Variants in RGS6 observed in about 807,000 individuals in gnomAD.
The protein encoded by RGS6 is regulator of G protein signaling 6.
RGS6 carries 30 observed loss-of-function variants against 78.5 expected under a neutral mutation model. The ratio of observed to expected loss-of-function variants is 0.38; its 90% confidence interval spans 0.29 to 0.52. The LOEUF (loss-of-function observed/expected upper bound fraction) is 0.52. Ranked by LOEUF, RGS6 falls within the 20% of genes least tolerant of loss-of-function variation. The pLI is 0.85. For synonymous variants in RGS6, 206 were observed against 206.0 expected, an observed-to-expected ratio of 1.00 and a Z score of 0.00; for missense variants, 495 against 609.7, an observed-to-expected ratio of 0.81 and a Z score of 1.98.
chr14:72,371,428 C>T (rs1405719095), intron 3 of RGS6, among the ~76,000 whole-genome samples: 1 of 152,060 alleles, frequency 6.6e-6, no homozygotes, highest in Non-Finnish European at 1.5e-5. Context: ...CCATACAAAC[C>T]CCTAATTGTA....
rs577618440 is a variant in RGS6 at position 72,092,437 on chromosome 14, A to G, written c.84+127562A>G. 1.8e-4 allele frequency among the ~76,000 whole-genome samples: 27 copies of G among 149,332 alleles called. No individual in the cohort carries two copies. The South Asian group carries it at 5.8e-3, about 32-fold the overall frequency. ...CGCTCTGTCATCCAGGCTGGAGTGCAATGGCACAATCTCAGCTCACTGCAA... is the reference window on the plus strand; with the variant it reads ...CGCTCTGTCATCCAGGCTGGAGTGCGATGGCACAATCTCAGCTCACTGCAA... On this transcript the variant is annotated intron_variant, in intron 2 of 17. Coordinates refer to ENST00000553525, the MANE Select transcript of RGS6 (RefSeq NM_001204424.2).
At chr14:72,255,082 A>T (rs951511058) in intron 2 of RGS6, among the ~76,000 whole-genome samples, 1 of 152,164 alleles carries the variant, frequency 6.6e-6, no homozygotes, top group Admixed American at 6.5e-5. Flanking sequence ...GCACAGAGTG[A>T]GGCATGAGGC....
At chr14:71,921,503 C>A in the RGS6 span, among the ~76,000 whole-genome samples, 1 of 152,168 alleles carries the variant, frequency 6.6e-6, no homozygotes, top group Non-Finnish European at 1.5e-5. Context: ...AAGAAATATA[C>A]AATGGAATAT....
At chr14:72,576,117 C>G in the RGS6 span, among the ~76,000 whole-genome samples, 1 of 152,238 alleles carries the variant, frequency 6.6e-6, no homozygotes, top group South Asian at 2.1e-4. Context: ...ATTCGCATCT[C>G]CTTGAATACA....
chr14:72,066,734 ATACTGAATAATTATTACAC>A (rs1412906465), intron 2 of RGS6, among the ~76,000 whole-genome samples: 1 of 151,940 alleles, frequency 6.6e-6, no homozygotes, highest in Non-Finnish European at 1.5e-5. Flanking sequence ...ACAGTTTCCG[ATACTGAATAATTATTACAC>A]TACTGAATAA....
intron 10 of RGS6, 35 bp from the exon 11 acceptor site, chr14:72,476,707 G>T: frequency 6.3e-7 from 1 of 1,592,784 alleles, no homozygotes; most frequent in Non-Finnish European, 8.6e-7. Context: ...CAATTCTGTG[G>T]GTGGATGATC....
At chr14:71,878,788 G>A in the RGS6 span, among the ~76,000 whole-genome samples, 1 of 152,222 alleles carries the variant, frequency 6.6e-6, no homozygotes, top group Admixed American at 6.5e-5. Context: ...GCTGGGAGCT[G>A]TAGACTGGAG....
At chr14:72,117,173 G>T (rs1410938581) in intron 2 of RGS6, among the ~76,000 whole-genome samples, 1 of 152,204 alleles carries the variant, frequency 6.6e-6, no homozygotes, top group South Asian at 2.1e-4. Context: ...TGTTGAAATA[G>T]CAAAAAGGCT....
At chr14:72,515,273 C>T (rs1020680767) in intron 14 of RGS6, among the ~76,000 whole-genome samples, 6 of 151,726 alleles carry the variant, frequency 4.0e-5, no homozygotes, top group African/African-American at 9.7e-5. Flanking sequence ...TCCCCTTCCT[C>T]TTCCTCCAGC....
chr14:72,516,394 G>A (rs968035467), intron 14 of RGS6, among the ~76,000 whole-genome samples: 1 of 152,206 alleles, frequency 6.6e-6, no homozygotes, highest in Non-Finnish European at 1.5e-5. Flanking sequence ...CAATGAGGTA[G>A]GGGAACAGCT....
intron 2 of RGS6, among the ~76,000 whole-genome samples, chr14:72,153,041 C>A (rs1339941798): frequency 1.3e-5 from 2 of 152,110 alleles, no homozygotes. Context: ...CTTCCCAAGA[C>A]CCCTCCCCCA....
intron 17 of RGS6, among the ~76,000 whole-genome samples, chr14:72,541,964 C>G (rs1320599087): frequency 6.6e-6 from 1 of 152,136 alleles, no homozygotes; most frequent in Non-Finnish European, 1.5e-5. Flanking sequence ...GTTAGCAAAG[C>G]ATTTGGAACA....
In RGS6 at chr14:72,548,912, G is replaced by A. The variant is rs557750329; in HGVS notation, c.1422+8818G>A. Among the ~76,000 whole-genome samples the A allele has an allele frequency of 3.9e-5, 6 of 152,312 alleles. No homozygotes were observed. In the East Asian group the frequency reaches 5.8e-4, roughly 15 times the overall value. On this transcript the variant is annotated intron_variant, in intron 17 of 17. Transcript: ENST00000553525. The stretch of plus-strand genomic sequence containing the variant: ...AGGGCAACGAGCTCCATGTCTAGCC[G>A]TTTAGAAGCTGAATGGCCAAGGATA...
chr14:72,398,679 G>A (rs1240526074), intron 3 of RGS6, among the ~76,000 whole-genome samples: 1 of 152,094 alleles, frequency 6.6e-6, no homozygotes, highest in African/African-American at 2.4e-5. Flanking sequence ...GCTTTCTCTT[G>A]TGGGCATTTA....
intron 2 of RGS6, among the ~76,000 whole-genome samples, chr14:72,104,980 C>A (rs983263819): frequency 2.0e-5 from 3 of 152,160 alleles, no homozygotes. Flanking sequence ...AAGAATCAGT[C>A]GAAAACATGT....
intron 2 of RGS6, among the ~76,000 whole-genome samples, chr14:71,996,634 T>C (rs947857751): frequency 6.6e-6 from 1 of 152,178 alleles, no homozygotes; most frequent in Non-Finnish European, 1.5e-5. Flanking sequence ...TGTGACTGTC[T>C]TTTTATTGCT....
At chr14:72,286,712 A>G (rs2062630450) in intron 2 of RGS6, among the ~76,000 whole-genome samples, 1 of 152,128 alleles carries the variant, frequency 6.6e-6, no homozygotes, top group Non-Finnish European at 1.5e-5. Flanking sequence ...TTCAGTGAAT[A>G]ATCTTAAACC....
At chr14:72,619,218 G>T in the RGS6 span, 1 of 1,394,248 alleles carries the variant, frequency 7.2e-7, no homozygotes, top group South Asian at 1.3e-5. Context: ...TGGATATGTG[G>T]GAGGAGGGCG....
chr14:72,363,213 A>G (rs577219709), intron 3 of RGS6, among the ~76,000 whole-genome samples: 2 of 152,348 alleles, frequency 1.3e-5, no homozygotes, highest in Admixed American at 6.5e-5. Context: ...GACTGCCGTC[A>G]GAGGTTTTAA....
Sources: allele counts gnomAD v4.1 joint callset (sites outside exome capture counted in the v4.1 genomes callset), GRCh38; gene constraint gnomAD v4.1.1; transcripts MANE v1.5; gene names NCBI Gene and HGNC (gene_info 2026-07-23, HGNC 2026-07-21).